The following PRKAR1A variants were observed in gnomAD, a reference collection of about 807,000 sequenced individuals.
The protein encoded by PRKAR1A is protein kinase cAMP-dependent type I regulatory subunit alpha.
PRKAR1A carries 3 observed loss-of-function variants against 52.0 expected under a neutral mutation model. The observed-to-expected ratio is 0.06, with a 90% confidence interval of 0.03 to 0.15. PRKAR1A has a LOEUF of 0.15. PRKAR1A is among the 10% of genes least tolerant of loss of function. The pLI is 1.00. For synonymous variants in PRKAR1A, 188 were observed against 168.4 expected (o/e 1.12, Z -0.90); for missense variants, 240 against 477.4 (o/e 0.50, Z 4.63).
chr17:68,426,254 G>GGGGGGGGA, the PRKAR1A span: 1 of 816,924 alleles, frequency 1.2e-6, no homozygotes, highest in Non-Finnish European at 1.9e-6. Flanking sequence ...GGGAGCGGGG[G>GGGGGGGGA]CTCAAATAAA....
the PRKAR1A span, chr17:68,426,242 T>TGGCG: frequency 3.8e-5 from 26 of 682,798 alleles, 1 homozygote; most frequent in Middle Eastern, 4.9e-4. Flanking sequence ...ACCTGGCGGG[T>TGGCG]GGGGAGCGGG....
Position 68,531,426 on chromosome 17 carries a change from G to A in PRKAR1A, c.*977G>A, listed in dbSNP as rs946354014. The A allele has an allele frequency of 2.3e-5, 24 of 1,066,044 alleles. 1 individual carries two copies. In the East Asian group the frequency reaches 8.4e-4, roughly 37 times the overall value. 66.0% of individuals were successfully genotyped at this position (1,066,044 alleles called of 1,614,324 possible). A position where few individuals can be genotyped will look rare whatever the true frequency, so the allele number is the denominator to read the frequency against. ...GTGACTAGATACAGATGGAGCAAAT[G>A]TCCTAACAGAGAAATAGAGGTGATG... On this transcript the variant is annotated 3_prime_UTR_variant, in exon 11 of 11. Transcript: ENST00000589228.
intron 11 of PRKAR1A, chr17:68,543,796 A>G (rs1179412911): frequency 7.7e-7 from 1 of 1,297,856 alleles, no homozygotes; most frequent in Non-Finnish European, 1.1e-6. Flanking sequence ...GATGAGCATG[A>G]CCAGCGAGAA....
In PRKAR1A at chr17:68,531,234, T is replaced by C; in HGVS notation, c.*785T>C. On this transcript the variant is annotated 3_prime_UTR_variant, in exon 11 of 11. Transcript: ENST00000589228. Reference sequence around the variant, plus strand: ...GGCTCACAAATTCCGATTAGACCTTTATCCAGCTAGTGCCAAATAATTGAT... The same window carrying C: ...GGCTCACAAATTCCGATTAGACCTTCATCCAGCTAGTGCCAAATAATTGAT... The C allele has an allele frequency of 3.8e-6, 4 of 1,066,430 alleles. No individual in the cohort carries two copies. The highest frequency in any genetic ancestry group is 4.5e-6 in the Non-Finnish European group (4 of 879,660). The allele number at this position is 1,066,430 out of a possible 1,614,324, so 66.1% of individuals were successfully genotyped here. A position where few individuals can be genotyped will look rare whatever the true frequency, so the allele number is the denominator to read the frequency against.
chr17:68,441,463 C>T, the PRKAR1A span, among the ~76,000 whole-genome samples: 1 of 152,190 alleles, frequency 6.6e-6, no homozygotes, highest in African/African-American at 2.4e-5. Context: ...ATAAAATCAA[C>T]AGTCACAGTT....
chr17:68,538,670 T>C (rs1298442773), intron 11 of PRKAR1A, among the ~76,000 whole-genome samples: 1 of 152,216 alleles, frequency 6.6e-6, no homozygotes. Context: ...CAAGTAGTAA[T>C]ATTTATGAGC....
At chr17:68,523,934 G>C in intron 4 of PRKAR1A, 82 bp from the exon 5 acceptor site, 1 of 1,584,718 alleles carries the variant, frequency 6.3e-7, no homozygotes, top group Non-Finnish European at 8.7e-7. Flanking sequence ...TGACAGTCTG[G>C]GGTCTTTAAT....
intron 1 of PRKAR1A, 169 bp from the exon 2 acceptor site, chr17:68,515,225 A>T: frequency 4.4e-6 from 3 of 677,396 alleles, no homozygotes; most frequent in Non-Finnish European, 7.6e-6. Context: ...GAATAATGCT[A>T]ATTCTGTACA....
the PRKAR1A span, among the ~76,000 whole-genome samples, chr17:68,439,567 G>A: frequency 1.3e-5 from 2 of 152,160 alleles, no homozygotes; most frequent in Admixed American, 6.5e-5. Flanking sequence ...ACACAATTCC[G>A]TGAATATACC....
At chr17:68,478,728 G>GTT in the PRKAR1A span, among the ~76,000 whole-genome samples, 6 of 91,840 alleles carry the variant, frequency 6.5e-5, 1 homozygote, top group Non-Finnish European at 6.6e-5. Flanking sequence ...ATGTTGGACA[G>GTT]TTTTGTTTTT....
the PRKAR1A span, among the ~76,000 whole-genome samples, chr17:68,495,425 T>C: frequency 2.0e-5 from 3 of 152,194 alleles, no homozygotes; most frequent in African/African-American, 7.2e-5. Context: ...TCCATTTGCC[T>C]GGACTGACGT....
the PRKAR1A span, among the ~76,000 whole-genome samples, chr17:68,500,287 TG>T: frequency 5.3e-5 from 8 of 152,222 alleles, no homozygotes; most frequent in Non-Finnish European, 1.2e-4. Context: ...AATTGAATCA[TG>T]GGGGCGGTTC....
chr17:68,480,286 A>G, the PRKAR1A span, among the ~76,000 whole-genome samples: 120,573 of 152,056 alleles, frequency 0.79, 48,578 homozygotes, highest in African/African-American at 0.92. Context: ...TCTATTGCGA[A>G]CTCATCTTCT....
chr17:68,539,968 T>C (rs1479219124), intron 11 of PRKAR1A: 1 of 1,613,890 alleles, frequency 6.2e-7, no homozygotes, highest in Admixed American at 1.7e-5. Context: ...CCATATTCCC[T>C]GTGAAGGAGG....
chr17:68,439,890 C>T, the PRKAR1A span, among the ~76,000 whole-genome samples: 3 of 152,104 alleles, frequency 2.0e-5, no homozygotes, highest in South Asian at 2.1e-4. Flanking sequence ...AAATACTGGG[C>T]GTGTCTTTGT....
At chr17:68,426,297 C>T in the PRKAR1A span, 4 of 763,216 alleles carry the variant, frequency 5.2e-6, no homozygotes, top group East Asian at 5.3e-5. Context: ...GTCTGTCTTC[C>T]CCCTGGAGGT....
the PRKAR1A span, among the ~76,000 whole-genome samples, chr17:68,479,452 C>T: frequency 0.011 from 1,724 of 152,246 alleles, 37 homozygotes; most frequent in African/African-American, 0.038. Context: ...TTCCGATGCT[C>T]ACATCTATAG....
Position 68,530,800 on chromosome 17 carries a change from T to C in PRKAR1A, c.*351T>C. 1 of 1,253,550 alleles carries C rather than the reference T, an allele frequency of 8.0e-7. No individual in the cohort carries two copies. Among genetic ancestry groups the C allele is most frequent in the South Asian group, 1.8e-5 (1 of 55,234 alleles). The allele number at this position is 1,253,550 out of a possible 1,614,324, so 77.7% of individuals were successfully genotyped here. On this transcript the variant is annotated 3_prime_UTR_variant, in exon 11 of 11. Transcript: ENST00000589228. ...GTAATGATGTAACAGTGCAAGATTT[T>C]TTTTTTAAGTGACATAATTGTCCAG... is the stretch of plus-strand genomic sequence containing the variant.
chr17:68,471,357 A>G, the PRKAR1A span, among the ~76,000 whole-genome samples: 20 of 152,160 alleles, frequency 1.3e-4, no homozygotes, highest in Non-Finnish European at 1.8e-4. Context: ...ATGCACTGGT[A>G]ACTGGTTGCT....
Sources: gnomAD v4.1 joint callset for allele counts (sites outside exome capture counted in the v4.1 genomes callset) on GRCh38, gnomAD v4.1.1 for gene constraint, MANE v1.5 for transcripts, NCBI Gene and HGNC (gene_info 2026-07-23, HGNC 2026-07-21) for gene names.